The following SGCD variants were observed in gnomAD, a reference collection of about 807,000 sequenced individuals.
SGCD encodes delta-sarcoglycan.
SGCD carries 18 observed loss-of-function variants against 36.6 expected under a neutral mutation model. That is an observed-to-expected ratio of 0.49 (90% CI 0.34 to 0.73). SGCD has a LOEUF of 0.73. Among genes scored for constraint, SGCD ranks in the 30% least tolerant of loss-of-function variants. The pLI is 0.01. For synonymous variants in SGCD, 133 were observed against 130.6 expected, an observed-to-expected ratio of 1.02 and a Z score of -0.12; for missense variants, 387 against 346.7, an observed-to-expected ratio of 1.12 and a Z score of -0.92.
rs1322943537 is a variant in SGCD, at chr5:156,762,054, A to T, written c.*2664A>T. On this transcript the variant is annotated 3_prime_UTR_variant, in exon 9 of 9. Transcript: ENST00000337851. Reference sequence around the variant, plus strand: ...CATCTTTTTATCCCAACACCCTCAAACTAGAATATTTGTCAGTGGTCAAGA... The same window carrying T: ...CATCTTTTTATCCCAACACCCTCAATCTAGAATATTTGTCAGTGGTCAAGA... The T allele has an allele frequency of 1.3e-5, 2 of 152,292 alleles. No individual in the cohort carries two copies. Among genetic ancestry groups the T allele is most frequent in the African/African-American group, 4.8e-5 (2 of 41,312 alleles). 9.4% of individuals were successfully genotyped at this position (152,292 alleles called of 1,614,324 possible).
At chr5:156,304,621 A>G (rs927319396) in intron 3 of SGCD, among the ~76,000 whole-genome samples, 3 of 152,184 alleles carry the variant, frequency 2.0e-5, no homozygotes, top group Non-Finnish European at 4.4e-5. Flanking sequence ...AGAGTGGGGC[A>G]CTGCTGAAAA....
chr5:156,126,678 AT>A (rs1039274858), intron 3 of SGCD, among the ~76,000 whole-genome samples: 19 of 152,130 alleles, frequency 1.2e-4, no homozygotes, highest in Non-Finnish European at 2.5e-4. Context: ...CATGGAACAG[AT>A]TTTTCAGATG....
chr5:156,478,410 G>A (rs1039528982), intron 3 of SGCD, among the ~76,000 whole-genome samples: 11 of 152,124 alleles, frequency 7.2e-5, no homozygotes, highest in Non-Finnish European at 1.3e-4. Context: ...TGAGCCACAC[G>A]CATCTTTGTG....
intron 1 of SGCD, among the ~76,000 whole-genome samples, chr5:155,975,616 T>A (rs1758098197): frequency 1.6e-5 from 1 of 62,100 alleles, no homozygotes; most frequent in African/African-American, 8.3e-5. Context: ...TTCCTTTTTT[T>A]TTTTTTTTTT....
chr5:156,086,473 A>C (rs1761093919), intron 1 of SGCD, among the ~76,000 whole-genome samples: 1 of 152,212 alleles, frequency 6.6e-6, no homozygotes, highest in African/African-American at 2.4e-5. Flanking sequence ...AGAGTTTAAG[A>C]AGCAGAAATT....
At chr5:155,986,951 T>C (rs1280676694) in intron 1 of SGCD, among the ~76,000 whole-genome samples, 2 of 152,174 alleles carry the variant, frequency 1.3e-5, no homozygotes, top group African/African-American at 4.8e-5. Context: ...AAAGCTCTTA[T>C]AGAATTGTTG....
rs1757473078 is a variant in SGCD at position 156,760,135 on chromosome 5, A to G, written c.*745A>G. The G allele has an allele frequency of 3.9e-5, 6 of 152,218 alleles. No individual in the cohort carries two copies. The highest frequency in any genetic ancestry group is 3.9e-4 in the Admixed American group (6 of 15,282). 9.4% of individuals were successfully genotyped at this position (152,218 alleles called of 1,614,324 possible). A position where few individuals can be genotyped will look rare whatever the true frequency, so the allele number is the denominator to read the frequency against. ...TCCTACAGTCAAATTAGGAGCTGTA[A>G]ATCAGCACAAAATAAGATAACAGCT... On this transcript the variant is annotated 3_prime_UTR_variant, in exon 9 of 9. Coordinates refer to ENST00000337851, the MANE Select transcript of SGCD (RefSeq NM_000337.6).
At position 155,903,214 on chromosome 5, in the gene SGCD, T is replaced by C. The variant is rs111534953; in HGVS notation, c.-282+32790T>C. On this transcript the variant is annotated intron_variant, in intron 1 of 9. Coordinates refer to the SGCD transcript ENST00000517913. ...TTCTCATGGGCTGTGCTGGGTTCCA[T>C]TGGTCGTTTTCTTTTTCTCTCTCTA... is the stretch of plus-strand genomic sequence containing the variant. Among the ~76,000 whole-genome samples, 704 of 152,296 alleles carry C rather than the reference T, an allele frequency of 4.6e-3. 2 individuals are homozygous for C. Among genetic ancestry groups the C allele is most frequent in the Non-Finnish European group, 6.4e-3 (435 of 68,022 alleles).
chr5:155,917,522 T>G (rs1427594888), intron 1 of SGCD, among the ~76,000 whole-genome samples: 1 of 152,172 alleles, frequency 6.6e-6, no homozygotes, highest in Admixed American at 6.6e-5. Flanking sequence ...ATAAAGAATA[T>G]GTTTTCAATG....
chr5:156,249,772 T>C (rs1278301413), intron 3 of SGCD, among the ~76,000 whole-genome samples: 1 of 151,408 alleles, frequency 6.6e-6, no homozygotes, highest in Non-Finnish European at 1.5e-5. Flanking sequence ...ACAAAGAACA[T>C]AATCAACTGT....
At chr5:156,610,029 C>G (rs917907574) in intron 6 of SGCD, among the ~76,000 whole-genome samples, 2 of 152,184 alleles carry the variant, frequency 1.3e-5, no homozygotes, top group African/African-American at 4.8e-5. Flanking sequence ...TCATCTGAAG[C>G]CTTCTTCTCT....
intron 1 of SGCD, among the ~76,000 whole-genome samples, chr5:155,999,572 G>C (rs988662456): frequency 3.9e-5 from 6 of 152,126 alleles, no homozygotes; most frequent in Admixed American, 2.6e-4. Context: ...GGACAAACAA[G>C]GTCCCTGCCC....
chr5:156,365,436 C>G (rs752764926), intron 3 of SGCD, among the ~76,000 whole-genome samples: 1 of 152,168 alleles, frequency 6.6e-6, no homozygotes, highest in African/African-American at 2.4e-5. Flanking sequence ...CCTCCCCTCA[C>G]CAGGAGTTCT....
chr5:156,232,217 CT>C (rs912268899), intron 3 of SGCD, among the ~76,000 whole-genome samples: 1 of 151,258 alleles, frequency 6.6e-6, no homozygotes, highest in Non-Finnish European at 1.5e-5. Context: ...CTGCAATTAG[CT>C]TAAGTGTTTA....
At chr5:156,728,242 A>C (rs1005296671) in intron 7 of SGCD, among the ~76,000 whole-genome samples, 1 of 152,168 alleles carries the variant, frequency 6.6e-6, no homozygotes, top group South Asian at 2.1e-4. Flanking sequence ...CAGAAACTGG[A>C]ATTCTCATAG....
chr5:155,880,482 T>C (rs1755860284), intron 1 of SGCD, among the ~76,000 whole-genome samples: 1 of 152,194 alleles, frequency 6.6e-6, no homozygotes, highest in Non-Finnish European at 1.5e-5. Context: ...GAAAATTCAC[T>C]TGGATACTTT....
At chr5:156,148,783 C>A (rs1561539892) in intron 3 of SGCD, among the ~76,000 whole-genome samples, 1 of 152,112 alleles carries the variant, frequency 6.6e-6, no homozygotes, top group Non-Finnish European at 1.5e-5. Context: ...TGCAGGAGTG[C>A]ACCTACAAGC....
At chr5:156,534,866 A>T (rs1253312139) in intron 4 of SGCD, among the ~76,000 whole-genome samples, 1 of 152,198 alleles carries the variant, frequency 6.6e-6, no homozygotes, top group Non-Finnish European at 1.5e-5. Context: ...AATGACCACT[A>T]TTATTACTAG....
At chr5:156,652,074 C>T (rs560948619) in intron 7 of SGCD, among the ~76,000 whole-genome samples, 1 of 152,134 alleles carries the variant, frequency 6.6e-6, no homozygotes, top group East Asian at 1.9e-4. Flanking sequence ...ATGAATATTA[C>T]TCGTGTATAG....
Sources: gnomAD v4.1 joint callset for allele counts (sites outside exome capture counted in the v4.1 genomes callset) on GRCh38, gnomAD v4.1.1 for gene constraint, MANE v1.5 for transcripts, NCBI Gene and HGNC (gene_info 2026-07-23, HGNC 2026-07-21) for gene names.